The following RBPJ variants were observed in gnomAD, a reference collection of about 807,000 sequenced individuals.
The protein encoded by RBPJ is recombining binding protein suppressor of hairless.
Under a neutral mutation model 67.8 loss-of-function variants are expected in RBPJ, and 9 were observed. That is an observed-to-expected ratio of 0.13 (90% confidence interval 0.08 to 0.23). The LOEUF is 0.23. Among genes scored for constraint, RBPJ ranks in the 10% least tolerant of loss-of-function variants. RBPJ has a pLI of 1.00. For synonymous variants in RBPJ, 198 were observed against 203.3 expected (o/e 0.97, Z 0.22); for missense variants, 305 against 595.6 (o/e 0.51, Z 5.08).
upstream of RBPJ, among the ~76,000 whole-genome samples, chr4:26,315,051 A>G (rs1172883655): frequency 1.3e-5 from 2 of 148,966 alleles, no homozygotes; most frequent in Non-Finnish European, 1.5e-5. Flanking sequence ...AGGCTGAGGC[A>G]GGAGAACTGC....
At chr4:26,323,418 A>G (rs1186348433) in intron 1 of RBPJ, among the ~76,000 whole-genome samples, 1 of 152,198 alleles carries the variant, frequency 6.6e-6, no homozygotes, top group Non-Finnish European at 1.5e-5. Context: ...TAAATCGTGT[A>G]ATACTTTTAC....
chr4:26,245,025 A>C (rs1719880071), intron 1 of RBPJ, among the ~76,000 whole-genome samples: 1 of 151,396 alleles, frequency 6.6e-6, no homozygotes, highest in Non-Finnish European at 1.5e-5. Context: ...AAATTTACAT[A>C]CCATAAGAAT....
intron 1 of RBPJ, among the ~76,000 whole-genome samples, chr4:26,221,727 C>T (rs1037180790): frequency 6.6e-6 from 1 of 152,082 alleles, no homozygotes; most frequent in South Asian, 2.1e-4. Context: ...ATTGAGTAGA[C>T]GAGTATGTTC....
rs1438233504 is a variant in RBPJ at position 26,392,941 on chromosome 4, T to C, written c.59+6550T>C. Among the ~76,000 whole-genome samples, 4 of 152,198 alleles carry C rather than the reference T, an allele frequency of 2.6e-5. No homozygotes were observed. The East Asian group carries it at 7.7e-4, about 29-fold the overall frequency. On this transcript the variant is annotated intron_variant, in intron 2 of 10. Transcript: ENST00000355476. ...GTTTTGTTTATTTTTTTGTTTTGTT[T>C]TGTTTTGTTTGAGACGGAGTCTTGC...
chr4:26,374,854 A>G (rs1729544092), intron 1 of RBPJ, among the ~76,000 whole-genome samples: 1 of 152,166 alleles, frequency 6.6e-6, no homozygotes, highest in South Asian at 2.1e-4. Context: ...AATCATGAAC[A>G]TTATAATCTA....
At chr4:26,380,002 C>A (rs1217014651) in intron 1 of RBPJ, among the ~76,000 whole-genome samples, 1 of 152,140 alleles carries the variant, frequency 6.6e-6, no homozygotes, top group Non-Finnish European at 1.5e-5. Context: ...AGCCAAGTTT[C>A]GAGCAGCATT....
chr4:26,208,436 C>T (rs1456177876), intron 1 of RBPJ, among the ~76,000 whole-genome samples: 1 of 152,140 alleles, frequency 6.6e-6, no homozygotes, highest in Non-Finnish European at 1.5e-5. Context: ...AATAGGCTGG[C>T]CAGGAACACA....
Position 26,424,237 on chromosome 4 carries a change from T to A in RBPJ, c.497-105T>A. The A allele has an allele frequency of 9.2e-7, 1 of 1,083,782 alleles. No homozygotes were observed. Among genetic ancestry groups the A allele is most frequent in the Non-Finnish European group, 1.4e-6 (1 of 739,952 alleles). The allele number at this position is 1,083,782 out of a possible 1,614,324, so 67.1% of individuals were successfully genotyped here. A position where few individuals can be genotyped will look rare whatever the true frequency, so the allele number is the denominator to read the frequency against. ...TGAAAATATTTGTCAAACTGTTAAA[T>A]GATAAGAAAGAATAATTATACACTG... is the stretch of plus-strand genomic sequence containing the variant. On this transcript the variant is annotated intron_variant, in intron 5 of 10. Coordinates refer to ENST00000355476, the MANE Select transcript of RBPJ (RefSeq NM_015874.6). This position sits in a 1 kb window ranked among gnomAD's most constrained non-coding sequence, Gnocchi z 5.3.
the RBPJ span, among the ~76,000 whole-genome samples, chr4:26,150,632 T>A: frequency 6.6e-6 from 1 of 152,216 alleles, no homozygotes; most frequent in Non-Finnish European, 1.5e-5. Context: ...AACAGTCTCA[T>A]GAGTTAACAC....
chr4:26,159,980 G>A (rs112089725), upstream of RBPJ, among the ~76,000 whole-genome samples: 9 of 151,830 alleles, frequency 5.9e-5, no homozygotes, highest in East Asian at 1.9e-4. Context: ...GTGCAGTGGC[G>A]CGATCTTGGC....
the RBPJ span, among the ~76,000 whole-genome samples, chr4:26,117,371 C>T: frequency 6.6e-6 from 1 of 152,110 alleles, no homozygotes; most frequent in Admixed American, 6.6e-5. Context: ...CAAGTTCTAA[C>T]AATCTCCCTC....
chr4:26,268,955 G>A (rs1428924494), intron 1 of RBPJ, among the ~76,000 whole-genome samples: 1 of 152,184 alleles, frequency 6.6e-6, no homozygotes, highest in Non-Finnish European at 1.5e-5. Flanking sequence ...ATTTCATAAT[G>A]AACACTTTGA....
chr4:26,321,213 C>G (rs1179123974), intron 1 of RBPJ, among the ~76,000 whole-genome samples, 165 bp downstream of exon 1: 1 of 145,478 alleles, frequency 6.9e-6, no homozygotes, highest in Non-Finnish European at 1.5e-5. Context: ...TGGCCGTGCG[C>G]TGCCGCTCTG....
chr4:26,164,943 T>G (rs1466174939), intron 1 of RBPJ, among the ~76,000 whole-genome samples: 2 of 152,164 alleles, frequency 1.3e-5, no homozygotes, highest in African/African-American at 2.4e-5. Context: ...TATGCATAAC[T>G]TAGACAAATG....
At chr4:26,162,402 G>A (rs1716107113), upstream of RBPJ, among the ~76,000 whole-genome samples, 1 of 152,254 alleles carries the variant, frequency 6.6e-6, no homozygotes, top group Non-Finnish European at 1.5e-5. Flanking sequence ...CTTAAGAGAA[G>A]CTAGAAAGGG....
At chr4:26,195,189 C>A (rs1017735218) in intron 1 of RBPJ, among the ~76,000 whole-genome samples, 1 of 152,098 alleles carries the variant, frequency 6.6e-6, no homozygotes, top group African/African-American at 2.4e-5. Context: ...GCCAACATAG[C>A]GAGACCTTGT....
At chr4:26,367,326 C>T (rs892302456) in intron 1 of RBPJ, among the ~76,000 whole-genome samples, 2 of 151,738 alleles carry the variant, frequency 1.3e-5, no homozygotes, top group Admixed American at 1.3e-4. Context: ...CACTAGAAAT[C>T]CAAAAATTAA....
intron 1 of RBPJ, among the ~76,000 whole-genome samples, chr4:26,217,581 A>AC (rs945179319): frequency 1.3e-5 from 2 of 152,154 alleles, no homozygotes; most frequent in Non-Finnish European, 2.9e-5. Flanking sequence ...AGAAGCAGCT[A>AC]CCCCAGGGTT....
intron 2 of RBPJ, among the ~76,000 whole-genome samples, chr4:26,404,732 T>G (rs1029712624): frequency 6.6e-6 from 1 of 152,218 alleles, no homozygotes; most frequent in African/African-American, 2.4e-5. Flanking sequence ...CTTGTTTTAC[T>G]GTTGTGGCTG....
Sources: gnomAD v4.1 joint callset for allele counts (sites outside exome capture counted in the v4.1 genomes callset) on GRCh38, gnomAD v4.1.1 for gene constraint, Gnocchi (gnomAD v3.1) non-coding constraint, MANE v1.5 for transcripts, NCBI Gene and HGNC (gene_info 2026-07-23, HGNC 2026-07-21) for gene names.